SESTD1: variants seen among roughly 807,000 people sequenced by gnomAD.
The protein encoded by SESTD1 is SEC14 and spectrin domain containing 1, also known as SEC14 domain and spectrin repeat-containing protein 1.
SESTD1 carries 43 observed loss-of-function variants against 101.7 expected under a neutral mutation model. The observed-to-expected ratio is 0.42, with a 90% CI of 0.33 to 0.55. The LOEUF (loss-of-function observed/expected upper bound fraction) is 0.55. SESTD1 is among the 20% of genes least tolerant of loss of function. SESTD1 has a pLI of 0.07. For missense variants in SESTD1, 647 were observed against 815.1 expected, an observed-to-expected ratio of 0.79 and a Z score of 2.51; for synonymous variants, 283 against 286.8, an observed-to-expected ratio of 0.99 and a Z score of 0.13.
In SESTD1 at chr2:179,101,733, T is replaced by C. The variant is rs2044280353; in HGVS notation, c.*8166A>G. On this transcript the variant is annotated 3_prime_UTR_variant, in exon 18 of 18. Transcript: ENST00000428443. ...ATTTTATTTTGAACAAACACAATGG[T>C]AAGATCACTTCAATGGTTTGAAACA... The C allele has an allele frequency of 6.6e-6, 1 of 152,206 alleles. No homozygotes were observed. The highest frequency in any genetic ancestry group is 2.4e-5 in the African/African-American group (1 of 41,456). The allele number at this position is 152,206 out of a possible 1,614,324, so 9.4% of individuals were successfully genotyped here. A position where few individuals can be genotyped will look rare whatever the true frequency, so the allele number is the denominator to read the frequency against.
In SESTD1 at chr2:179,242,942, T is replaced by C. The variant is rs560131080; in HGVS notation, c.-26+21557A>G. ...AAAGCAAGTGCAACAAAAACAAAAATTGACAAGTGGTACCTAATTAAACTA... is the reference window on the plus strand; with the variant it reads ...AAAGCAAGTGCAACAAAAACAAAAACTGACAAGTGGTACCTAATTAAACTA... On this transcript the variant is annotated intron_variant, in intron 1 of 17. Coordinates refer to ENST00000428443, the MANE Select transcript of SESTD1 (RefSeq NM_178123.5). Among the ~76,000 whole-genome samples the C allele has an allele frequency of 3.3e-5, 5 of 152,108 alleles. No individual in the cohort carries two copies. In the East Asian group the frequency reaches 7.7e-4, roughly 23 times the overall value.
rs1368911001 is a variant in SESTD1 at position 179,159,362 on chromosome 2, C to T, written c.370-7971G>A. The stretch of plus-strand genomic sequence containing the variant: ...ACCAAGTTTGAATAAACAGACAATT[C>T]AACTCCACTCCAATGATGGCAAACA... On this transcript the variant is annotated intron_variant, in intron 5 of 17. Transcript: ENST00000428443. Among the ~76,000 whole-genome samples the T allele has an allele frequency of 4.6e-5, 7 of 152,314 alleles. No homozygotes were observed. The South Asian group carries it at 1.2e-3, about 27-fold the overall frequency.
intron 1 of SESTD1, among the ~76,000 whole-genome samples, chr2:179,200,048 G>C (rs1034351941): frequency 6.6e-5 from 10 of 152,218 alleles, no homozygotes; most frequent in South Asian, 2.1e-4. Context: ...CCCAAAATCC[G>C]CTTAAGCTGA....
intron 4 of SESTD1, among the ~76,000 whole-genome samples, chr2:179,173,542 A>G (rs577444382): frequency 6.6e-6 from 1 of 152,296 alleles, no homozygotes; most frequent in Admixed American, 6.5e-5. Context: ...TCATTCTCTT[A>G]ATTTTACAGG....
intron 17 of SESTD1, among the ~76,000 whole-genome samples, chr2:179,111,270 A>G (rs2044499961): frequency 6.6e-6 from 1 of 152,214 alleles, no homozygotes; most frequent in Non-Finnish European, 1.5e-5. Context: ...AGTATAGACT[A>G]TGAATAATAT....
chr2:179,257,212 G>A (rs1259903743), intron 1 of SESTD1, among the ~76,000 whole-genome samples: 4 of 151,064 alleles, frequency 2.6e-5, no homozygotes, highest in African/African-American at 9.8e-5. Flanking sequence ...TCAGGGGGCT[G>A]CCCTTATGAA....
At position 179,263,698 on chromosome 2, in the gene SESTD1, G is replaced by A. The variant is rs1295238310; in HGVS notation, c.-26+801C>T. On this transcript the variant is annotated intron_variant, in intron 1 of 17. Coordinates refer to ENST00000428443, the MANE Select transcript of SESTD1 (RefSeq NM_178123.5). ...AACCACGGGGGCTGTCAGAGCAACAGCCAAGTCCAAACCGTGCATCCCAGG... is the reference window on the plus strand; with the variant it reads ...AACCACGGGGGCTGTCAGAGCAACAACCAAGTCCAAACCGTGCATCCCAGG... Among the ~76,000 whole-genome samples, 4 of 152,202 alleles carry A rather than the reference G, an allele frequency of 2.6e-5. No individual in the cohort carries two copies. In the East Asian group the frequency reaches 7.7e-4, roughly 29 times the overall value.
chr2:179,174,822 G>A lies in SESTD1; in HGVS notation c.255+1626C>T, dbSNP rs192766871. On this transcript the variant is annotated intron_variant, in intron 4 of 17. Coordinates refer to ENST00000428443, the MANE Select transcript of SESTD1 (RefSeq NM_178123.5). ...AAAGTAGCCAGGTGTGGTGGCGCTC[G>A]CCTCCAGTCCCAACTACTCAGGTGG... Among the ~76,000 whole-genome samples, 2 of 151,888 alleles carry A rather than the reference G, an allele frequency of 1.3e-5. 1 individual carries two copies. The highest frequency in any genetic ancestry group is 2.9e-5 in the Non-Finnish European group (2 of 67,982).
intron 1 of SESTD1, among the ~76,000 whole-genome samples, chr2:179,232,626 G>C (rs1354591649): frequency 1.3e-5 from 2 of 151,970 alleles, no homozygotes; most frequent in African/African-American, 4.8e-5. Flanking sequence ...TCCACAAATG[G>C]GAAAGTGATT....
Position 179,176,523 on chromosome 2 carries a change from A to G in SESTD1, c.180T>C (p.Ala60=). ...CATCCACAATCACGGTAAATCCTCT[A>G]GCCTTACACTTCTCACTGAAACAAA... ...LLSIPSEKCK[A]RGFTVIVDGR... Residue 60 remains alanine (A), a synonymous_variant, in exon 4 of 18, where the codon GCT becomes GCC. Transcript: ENST00000428443. 1 of 1,613,086 alleles carries G rather than the reference A, an allele frequency of 6.2e-7. No homozygotes were observed. The highest frequency in any genetic ancestry group is 1.3e-5 in the African/African-American group (1 of 75,046).
chr2:179,209,569 C>T (rs1012021164), intron 1 of SESTD1, among the ~76,000 whole-genome samples: 1 of 134,632 alleles, frequency 7.4e-6, no homozygotes, highest in African/African-American at 2.9e-5. Context: ...AAAAGGAATA[C>T]TCAAAACTAT....
In SESTD1 at chr2:179,104,541, CAA is replaced by C. The variant is rs2044339729; in HGVS notation, c.*5356_*5357del. 6.6e-6 allele frequency: 1 copy of C among 152,100 alleles called. No homozygotes were observed. The highest frequency in any genetic ancestry group is 1.5e-5 in the Non-Finnish European group (1 of 68,054). 9.4% of individuals were successfully genotyped at this position (152,100 alleles called of 1,614,324 possible). A position where few individuals can be genotyped will look rare whatever the true frequency, so the allele number is the denominator to read the frequency against. ...ACCCAGTCATCTCTCATCTCTCCCC[CAA>C]GACAGAAGCATTTGGACACCCTAAA... On this transcript the variant is annotated 3_prime_UTR_variant, in exon 18 of 18. Coordinates refer to ENST00000428443, the MANE Select transcript of SESTD1 (RefSeq NM_178123.5).
At chr2:179,154,664 T>A (rs986457169) in intron 5 of SESTD1, among the ~76,000 whole-genome samples, 1 of 152,150 alleles carries the variant, frequency 6.6e-6, no homozygotes, top group African/African-American at 2.4e-5. Context: ...ATGTAAATTA[T>A]ACCACAGGGA....
intron 9 of SESTD1, among the ~76,000 whole-genome samples, chr2:179,137,400 G>C (rs771153487): frequency 2.0e-4 from 30 of 152,182 alleles, no homozygotes; most frequent in Non-Finnish European, 3.7e-4. Context: ...AGAGTATGGA[G>C]AACTGAGAAT....
intron 4 of SESTD1, chr2:179,174,411 T>C (rs1335560993): frequency 2.2e-6 from 1 of 464,778 alleles, no homozygotes; most frequent in Non-Finnish European, 4.4e-6. Flanking sequence ...TCTTCAAAAC[T>C]GCCACTGATC....
At chr2:179,159,454 A>G (rs2045692204) in intron 5 of SESTD1, among the ~76,000 whole-genome samples, 1 of 152,200 alleles carries the variant, frequency 6.6e-6, no homozygotes, top group Non-Finnish European at 1.5e-5. Flanking sequence ...TGTGCAAGCA[A>G]AAGTAAGAAA....
rs71848548 is a variant in SESTD1, at chr2:179,236,749, GTTT to G, written c.-26+27747_-26+27749del. Among the ~76,000 whole-genome samples, 898 of 135,274 alleles carry G rather than the reference GTTT, an allele frequency of 6.6e-3. 4 individuals carry two copies. The highest frequency in any genetic ancestry group is 0.019 in the East Asian group (85 of 4,420). 88.7% of individuals were successfully genotyped at this position (135,274 alleles called of 152,430 possible). ...CATGTTTGAAAAAAAATCTGATGTA[GTTT>G]TTTTTTTTTTTTTTTAATTTTTATT... On this transcript the variant is annotated intron_variant, in intron 1 of 17. Coordinates refer to ENST00000428443, the MANE Select transcript of SESTD1 (RefSeq NM_178123.5).
At chr2:179,142,167 T>G (rs2045293157) in intron 9 of SESTD1, among the ~76,000 whole-genome samples, 1 of 152,204 alleles carries the variant, frequency 6.6e-6, no homozygotes, top group East Asian at 1.9e-4. Flanking sequence ...ATACAATGTC[T>G]ATATCTGCTC....
In SESTD1 at chr2:179,229,749, T is replaced by TTATATATATATATATATATATATATATA. The variant is rs71023472; in HGVS notation, c.-26+34749_-26+34750insTATATATATATATATATATATATATATA. Among the ~76,000 whole-genome samples, 90 of 106,306 alleles carry TTATATATATATATATATATATATATATA rather than the reference T, an allele frequency of 8.5e-4. 1 individual carries two copies. Among genetic ancestry groups the TTATATATATATATATATATATATATATA allele is most frequent in the South Asian group, 2.0e-3 (5 of 2,544 alleles). 69.7% of individuals were successfully genotyped at this position (106,306 alleles called of 152,430 possible). On this transcript the variant is annotated intron_variant, in intron 1 of 17. Coordinates refer to ENST00000428443, the MANE Select transcript of SESTD1 (RefSeq NM_178123.5). ...AAGAAATTTAAGATTTTGTAAGAAC[T>TTATATATATATATATATATATATATATA]TATATATATATATATATATATATAT...
Sources: gnomAD v4.1 joint callset for allele counts (sites outside exome capture counted in the v4.1 genomes callset) on GRCh38, gnomAD v4.1.1 for gene constraint, MANE v1.5 for transcripts, NCBI Gene and HGNC (gene_info 2026-07-23, HGNC 2026-07-21) for gene names.